Variants in GABRG3 observed in about 807,000 individuals in gnomAD.
The protein encoded by GABRG3 is gamma-aminobutyric acid receptor subunit gamma-3.
GABRG3 carries 25 observed loss-of-function variants against 48.8 expected under a neutral mutation model. The observed-to-expected ratio is 0.51, with a 90% CI of 0.37 to 0.72. GABRG3 has a LOEUF of 0.72. Among genes scored for constraint, GABRG3 ranks in the 30% least tolerant of loss-of-function variants. The pLI is 0.00. For missense variants in GABRG3, 394 were observed against 577.9 expected (o/e 0.68, Z 3.26); for synonymous variants, 227 against 217.6 (o/e 1.04, Z -0.38).
chr15:27,193,750 C>G (rs1023377832), intron 3 of GABRG3, among the ~76,000 whole-genome samples: 5 of 152,210 alleles, frequency 3.3e-5, no homozygotes, highest in Admixed American at 3.3e-4. Context: ...CTGTCTGGCA[C>G]TCCCTAGTGA....
chr15:27,228,842 G>T (rs1595599247), intron 3 of GABRG3, among the ~76,000 whole-genome samples: 1 of 152,084 alleles, frequency 6.6e-6, no homozygotes, highest in Non-Finnish European at 1.5e-5. Context: ...CTTCATGTTT[G>T]TTTGCTGCAT....
intron 1 of GABRG3, among the ~76,000 whole-genome samples, chr15:26,973,297 C>G (rs148813747): frequency 6.6e-6 from 1 of 152,214 alleles, no homozygotes; most frequent in Non-Finnish European, 1.5e-5. Context: ...ATTCTTCATC[C>G]TTCCATTCTA....
intron 3 of GABRG3, among the ~76,000 whole-genome samples, chr15:27,297,193 A>G (rs1353758358): frequency 1.3e-5 from 2 of 152,208 alleles, no homozygotes; most frequent in East Asian, 3.8e-4. Context: ...GCTAGATATA[A>G]CAAAAGAGTC....
intron 5 of GABRG3, among the ~76,000 whole-genome samples, chr15:27,454,373 G>C (rs1450367948): frequency 6.6e-6 from 1 of 152,150 alleles, no homozygotes; most frequent in Non-Finnish European, 1.5e-5. Flanking sequence ...AGGCTGTCCT[G>C]GGAGATTTGA....
intron 5 of GABRG3, among the ~76,000 whole-genome samples, chr15:27,452,717 G>C (rs1305698030): frequency 2.0e-5 from 3 of 152,160 alleles, no homozygotes; most frequent in Admixed American, 6.5e-5. Flanking sequence ...GGCTGTCTCA[G>C]GGATGACAGA....
chr15:27,351,532 GTGTT>G (rs1894593762), intron 5 of GABRG3, among the ~76,000 whole-genome samples: 2 of 144,248 alleles, frequency 1.4e-5, no homozygotes, highest in Admixed American at 1.4e-4. Context: ...GTTTGTGTGT[GTGTT>G]GGTGTGTGTA....
rs535024766 is a variant in GABRG3 at position 27,422,162 on chromosome 15, G to C, written c.575-58488G>C. 6.0e-4 allele frequency among the ~76,000 whole-genome samples: 91 copies of C among 151,892 alleles called. 1 individual carries two copies. The highest frequency in any genetic ancestry group is 5.0e-3 in the South Asian group (24 of 4,780). On this transcript the variant is annotated intron_variant, in intron 5 of 9. Coordinates refer to ENST00000615808, the MANE Select transcript of GABRG3 (RefSeq NM_033223.5). ...TGTTCTAAGATATCCAGGGGAGTGG[G>C]CTGCATATCCACCAATACTGAGTGT...
chr15:27,211,057 A>G (rs1326367452), intron 3 of GABRG3, among the ~76,000 whole-genome samples: 1 of 152,210 alleles, frequency 6.6e-6, no homozygotes, highest in Non-Finnish European at 1.5e-5. Context: ...GATTTTTGTC[A>G]TTGTAGGAGC....
At chr15:27,141,585 C>T (rs1019036390) in intron 3 of GABRG3, among the ~76,000 whole-genome samples, 3 of 152,156 alleles carry the variant, frequency 2.0e-5, no homozygotes, top group Non-Finnish European at 4.4e-5. Context: ...CTGAGGTGTC[C>T]AGCTACTCAT....
At chr15:27,211,705 C>T (rs1803622796) in intron 3 of GABRG3, among the ~76,000 whole-genome samples, 1 of 152,174 alleles carries the variant, frequency 6.6e-6, no homozygotes, top group South Asian at 2.1e-4. Context: ...TAAAAGTTAT[C>T]CACATCCAAG....
At chr15:27,455,705 G>A (rs1469863241) in intron 5 of GABRG3, among the ~76,000 whole-genome samples, 3 of 149,666 alleles carry the variant, frequency 2.0e-5, no homozygotes, top group Admixed American at 6.7e-5. Context: ...TATGTGCATG[G>A]TGTGTGCATG....
At chr15:27,003,994 T>C (rs1895520495) in intron 2 of GABRG3, among the ~76,000 whole-genome samples, 1 of 127,550 alleles carries the variant, frequency 7.8e-6, no homozygotes, top group South Asian at 2.6e-4. Context: ...ACCCCCCACC[T>C]CCCTCCCGGA....
intron 5 of GABRG3, among the ~76,000 whole-genome samples, chr15:27,468,454 T>G (rs1889684753): frequency 6.6e-6 from 1 of 152,096 alleles, no homozygotes; most frequent in Admixed American, 6.5e-5. Flanking sequence ...GATAATGAGG[T>G]CCTAGGGGAA....
chr15:27,482,190 T>G (rs1890115740), intron 6 of GABRG3, among the ~76,000 whole-genome samples: 1 of 152,194 alleles, frequency 6.6e-6, no homozygotes, highest in African/African-American at 2.4e-5. Context: ...GAAATTATAA[T>G]CAATCTCTAA....
intron 5 of GABRG3, among the ~76,000 whole-genome samples, chr15:27,424,223 A>C (rs997054507): frequency 8.5e-5 from 13 of 152,174 alleles, no homozygotes; most frequent in Non-Finnish European, 4.4e-5. Context: ...CATATAGCCT[A>C]TGCAAATAGT....
chr15:27,105,686 C>T (rs1196020562), intron 3 of GABRG3, among the ~76,000 whole-genome samples: 1 of 152,084 alleles, frequency 6.6e-6, no homozygotes, highest in Non-Finnish European at 1.5e-5. Context: ...GAAACTTGAA[C>T]ACTGTTGGTG....
At chr15:27,272,511 T>C (rs925354112) in intron 3 of GABRG3, among the ~76,000 whole-genome samples, 1 of 152,226 alleles carries the variant, frequency 6.6e-6, no homozygotes, top group Non-Finnish European at 1.5e-5. Context: ...AAGAGGTGTC[T>C]ATGACTGCAC....
At chr15:27,224,379 G>A (rs1041277241) in intron 3 of GABRG3, among the ~76,000 whole-genome samples, 1 of 152,198 alleles carries the variant, frequency 6.6e-6, no homozygotes, top group East Asian at 1.9e-4. Context: ...CAGCTGCATA[G>A]GAAGTGGTTC....
At chr15:27,286,260 A>G (rs1021001493) in intron 3 of GABRG3, among the ~76,000 whole-genome samples, 1 of 152,202 alleles carries the variant, frequency 6.6e-6, no homozygotes, top group Non-Finnish European at 1.5e-5. Flanking sequence ...TTTAGGATTT[A>G]CAAAGTTAAA....
Sources: allele counts gnomAD v4.1 joint callset (sites outside exome capture counted in the v4.1 genomes callset), GRCh38; gene constraint gnomAD v4.1.1; transcripts MANE v1.5; gene names NCBI Gene and HGNC (gene_info 2026-07-23, HGNC 2026-07-21).